The following NAALADL2 variants were observed in gnomAD, a reference collection of about 807,000 sequenced individuals.
NAALADL2 encodes N-acetylated alpha-linked acidic dipeptidase like 2.
A neutral mutation model predicts 87.2 loss-of-function variants in NAALADL2; 76 were observed. The ratio of observed to expected loss-of-function variants is 0.87; its 90% CI spans 0.72 to 1.05. The LOEUF (loss-of-function observed/expected upper bound fraction) is 1.05, where lower values mean the gene tolerates loss of function less well. Among genes scored for constraint, NAALADL2 ranks in the 50% least tolerant of loss-of-function variants. The pLI, the probability that NAALADL2 is intolerant of heterozygous loss-of-function variation, is 0.00. For missense variants in NAALADL2, 1,089 were observed against 945.8 expected, an observed-to-expected ratio of 1.15 and a Z score of -1.99; for synonymous variants, 354 against 331.0, an observed-to-expected ratio of 1.07 and a Z score of -0.75.
At chr3:174,810,128 A>G (rs1720001230) in intron 3 of NAALADL2, among the ~76,000 whole-genome samples, 1 of 152,172 alleles carries the variant, frequency 6.6e-6, no homozygotes, top group Non-Finnish European at 1.5e-5. Flanking sequence ...ATCCATTCTC[A>G]TGTATTCCTT....
At chr3:175,077,623 A>G (rs2109204627) in intron 1 of NAALADL2, among the ~76,000 whole-genome samples, 1 of 152,328 alleles carries the variant, frequency 6.6e-6, no homozygotes, top group South Asian at 2.1e-4. Context: ...ATTATTAAAC[A>G]GAAGTATAAA....
chr3:175,716,461 A>G (rs1225731528), intron 11 of NAALADL2, among the ~76,000 whole-genome samples: 7 of 151,720 alleles, frequency 4.6e-5, no homozygotes, highest in African/African-American at 1.7e-4. Context: ...AGTCGAGAGA[A>G]ATTCTATTTC....
intron 1 of NAALADL2, among the ~76,000 whole-genome samples, chr3:175,087,879 G>C (rs9851255): frequency 0.18 from 27,489 of 148,630 alleles, 2,582 homozygotes; most frequent in East Asian, 0.32. Flanking sequence ...ATCCCCCTCT[G>C]CGAGAAACAC....
chr3:174,811,499 C>G (rs1720204414), intron 3 of NAALADL2, among the ~76,000 whole-genome samples: 1 of 152,204 alleles, frequency 6.6e-6, no homozygotes, highest in African/African-American at 2.4e-5. Flanking sequence ...TTGCATGGGG[C>G]ATGCAACCCT....
chr3:175,112,365 T>C (rs1251177812), intron 2 of NAALADL2, among the ~76,000 whole-genome samples: 6 of 151,690 alleles, frequency 4.0e-5, no homozygotes, highest in Non-Finnish European at 7.4e-5. Context: ...CTGAGTAAAG[T>C]TCTCTCTCTA....
intron 3 of NAALADL2, among the ~76,000 whole-genome samples, chr3:174,805,300 A>G (rs1372817714): frequency 6.6e-6 from 1 of 151,920 alleles, no homozygotes; most frequent in African/African-American, 2.4e-5. Flanking sequence ...TCTCTCCTCT[A>G]CTCTTAGATA....
intron 3 of NAALADL2, among the ~76,000 whole-genome samples, chr3:174,853,846 T>A (rs1001144194): frequency 2.6e-5 from 4 of 152,172 alleles, no homozygotes; most frequent in African/African-American, 9.6e-5. Context: ...CTCAACCCAG[T>A]TAAAATAGCT....
intron 11 of NAALADL2, among the ~76,000 whole-genome samples, chr3:175,714,743 A>T (rs1368169037): frequency 6.6e-6 from 1 of 152,060 alleles, no homozygotes; most frequent in Admixed American, 6.6e-5. Flanking sequence ...ATTAGATCCC[A>T]TTTGTCAATT....
chr3:174,695,252 T>G (rs1365262066), intron 2 of NAALADL2, among the ~76,000 whole-genome samples: 1 of 152,030 alleles, frequency 6.6e-6, no homozygotes, highest in African/African-American at 2.4e-5. Context: ...TGTTAGAATT[T>G]TATGTAATGA....
intron 2 of NAALADL2, among the ~76,000 whole-genome samples, chr3:174,612,790 C>T (rs548167463): frequency 6.6e-6 from 1 of 152,106 alleles, no homozygotes; most frequent in African/African-American, 2.4e-5. Flanking sequence ...TAACTTGATC[C>T]CTGGTACCTT....
At chr3:174,873,635 A>C (rs1728134618) in intron 1 of NAALADL2, among the ~76,000 whole-genome samples, 1 of 152,026 alleles carries the variant, frequency 6.6e-6, no homozygotes, top group Admixed American at 6.6e-5. Flanking sequence ...GCTTTTGAAC[A>C]TACATCAGTC....
intron 1 of NAALADL2, among the ~76,000 whole-genome samples, chr3:174,446,955 T>C (rs1019647924): frequency 2.0e-4 from 31 of 152,088 alleles, no homozygotes; most frequent in African/African-American, 7.0e-4. Context: ...TGGACCCCTT[T>C]TTTGCATTTA....
intron 9 of NAALADL2, among the ~76,000 whole-genome samples, chr3:175,517,744 AAAAG>A (rs758203909): frequency 2.0e-5 from 3 of 152,112 alleles, no homozygotes; most frequent in Non-Finnish European, 4.4e-5. Flanking sequence ...CTCCATAGGA[AAAAG>A]AAAGATAAAG....
chr3:175,504,216 G>C (rs539604153), intron 9 of NAALADL2, among the ~76,000 whole-genome samples: 53 of 152,306 alleles, frequency 3.5e-4, no homozygotes, highest in African/African-American at 1.0e-3. Context: ...GTTTGTCAAA[G>C]AGGACATTTT....
intron 3 of NAALADL2, among the ~76,000 whole-genome samples, chr3:174,797,834 T>G (rs1335841935): frequency 3.3e-5 from 5 of 152,188 alleles, no homozygotes; most frequent in Non-Finnish European, 7.3e-5. Context: ...TTTCATTTTT[T>G]TCATGTATTA....
chr3:174,780,606 T>C (rs1382319527), intron 3 of NAALADL2, among the ~76,000 whole-genome samples: 4 of 152,166 alleles, frequency 2.6e-5, no homozygotes, highest in African/African-American at 4.8e-5. Context: ...CAGTATGATA[T>C]TGGCTGTGGG....
rs1365653184 is a variant in NAALADL2, at chr3:175,698,421, ATATG to A, written c.1897-38879_1897-38876del. 7.9e-5 allele frequency among the ~76,000 whole-genome samples: 4 copies of A among 50,730 alleles called. 1 individual carries two copies. The highest frequency in any genetic ancestry group is 2.9e-4 in the East Asian group (1 of 3,394). 33.3% of individuals were successfully genotyped at this position (50,730 alleles called of 152,430 possible). A position where few individuals can be genotyped will look rare whatever the true frequency, so the allele number is the denominator to read the frequency against. On this transcript the variant is annotated intron_variant, in intron 11 of 13. Coordinates refer to ENST00000454872, the MANE Select transcript of NAALADL2 (RefSeq NM_207015.3). ...TGTATGTGTATTTATGTATGTATAC[ATATG>A]TATGTGTATATATTTATGTATGTAT...
At chr3:175,501,745 G>A (rs542687031) in intron 9 of NAALADL2, among the ~76,000 whole-genome samples, 1 of 152,096 alleles carries the variant, frequency 6.6e-6, no homozygotes, top group African/African-American at 2.4e-5. Flanking sequence ...GGATAGAAAT[G>A]ACTAGTAGTG....
At chr3:174,533,245 GGC>G (rs1185997305) in intron 1 of NAALADL2, among the ~76,000 whole-genome samples, 2 of 151,766 alleles carry the variant, frequency 1.3e-5, no homozygotes, top group Non-Finnish European at 2.9e-5. Context: ...GTGCTCTCAT[GGC>G]GACTGGCCAA....
Sources: allele counts gnomAD v4.1 joint callset (sites outside exome capture counted in the v4.1 genomes callset), GRCh38; gene constraint gnomAD v4.1.1; transcripts MANE v1.5; gene names NCBI Gene and HGNC (gene_info 2026-07-23, HGNC 2026-07-21).